The following ALG14 variants were observed in gnomAD, a reference collection of about 807,000 sequenced individuals.
ALG14 encodes the protein UDP-N-acetylglucosamine transferase subunit ALG14.
A neutral mutation model predicts 22.8 loss-of-function variants in ALG14; 17 were observed. That is an observed-to-expected ratio of 0.75 (90% CI 0.51 to 1.12). The LOEUF is 1.12. Among genes scored for constraint, ALG14 ranks in the 50% most tolerant of loss-of-function variants. ALG14 has a pLI of 0.00. For synonymous variants in ALG14, 89 were observed against 103.7 expected (o/e 0.86, Z 0.86); for missense variants, 288 against 271.8 (o/e 1.06, Z -0.42).
At chr1:95,048,782 C>G (rs2100810807) in intron 2 of ALG14, among the ~76,000 whole-genome samples, 1 of 151,734 alleles carries the variant, frequency 6.6e-6, no homozygotes, top group East Asian at 1.9e-4. Context: ...AGTAATTTCA[C>G]AGTCAAATAT....
chr1:94,995,196 T>C (rs1197348903), intron 3 of ALG14, among the ~76,000 whole-genome samples: 1 of 152,250 alleles, frequency 6.6e-6, no homozygotes, highest in Admixed American at 6.5e-5. Context: ...AGAATTTTTA[T>C]AGAAGATGAT....
rs577547065 is a variant in ALG14, at chr1:95,041,802, T to A, written c.289-14542A>T. On this transcript the variant is annotated intron_variant, in intron 2 of 3. Coordinates refer to ENST00000370205, the MANE Select transcript of ALG14 (RefSeq NM_144988.4). Reference sequence around the variant, plus strand: ...CAGTAGGTGGTGTTCAGTGGAAGAATGTCATGTTAATTTTAGAAGAGCTGG... The same window carrying A: ...CAGTAGGTGGTGTTCAGTGGAAGAAAGTCATGTTAATTTTAGAAGAGCTGG... Among the ~76,000 whole-genome samples, 50 of 152,246 alleles carry A rather than the reference T, an allele frequency of 3.3e-4. No homozygotes were observed. In the South Asian group the frequency reaches 9.3e-3, roughly 28 times the overall value.
chr1:95,027,061 A>G (rs1673840695), intron 3 of ALG14, 68 bp downstream of exon 3: 18 of 1,564,916 alleles, frequency 1.2e-5, no homozygotes, highest in Non-Finnish European at 1.3e-5. Context: ...AGAAAACAGT[A>G]TGTCCTGTTA....
Position 95,064,850 on chromosome 1 carries a change from A to G in ALG14, c.288+16T>C, listed in dbSNP as rs1296370778. On this transcript the variant is annotated intron_variant, in intron 2 of 3. Transcript: ENST00000370205. ...TGCAACTTGTAATTTTCTTAGAAAT[A>G]GAAATTGTCACTTACCATGTTACTA... 1 of 1,599,970 alleles carries G rather than the reference A, an allele frequency of 6.3e-7. No homozygotes were observed. Among genetic ancestry groups the G allele is most frequent in the Non-Finnish European group, 8.5e-7 (1 of 1,171,016 alleles).
chr1:95,066,192 A>G (rs1027554091), intron 1 of ALG14, among the ~76,000 whole-genome samples: 1 of 152,098 alleles, frequency 6.6e-6, no homozygotes, highest in African/African-American at 2.4e-5. Context: ...GATAAATTAA[A>G]CATGAGTTTT....
intron 3 of ALG14, among the ~76,000 whole-genome samples, chr1:95,024,930 T>A (rs997570555): frequency 6.6e-6 from 1 of 152,184 alleles, no homozygotes; most frequent in African/African-American, 2.4e-5. Flanking sequence ...CATCTTCCCA[T>A]AAATCAAGAA....
intron 2 of ALG14, among the ~76,000 whole-genome samples, chr1:95,064,605 T>A (rs951667829): frequency 6.6e-6 from 1 of 152,212 alleles, no homozygotes; most frequent in Non-Finnish European, 1.5e-5. Context: ...GTATGTTGAA[T>A]CAACCTTGCA....
chr1:95,053,811 A>T (rs887253112), intron 2 of ALG14, among the ~76,000 whole-genome samples: 1 of 152,210 alleles, frequency 6.6e-6, no homozygotes, highest in Non-Finnish European at 1.5e-5. Flanking sequence ...AGTAAACATT[A>T]TGGACATACA....
chr1:94,992,383 A>C (rs1672796983), intron 3 of ALG14, among the ~76,000 whole-genome samples: 1 of 152,206 alleles, frequency 6.6e-6, no homozygotes, highest in African/African-American at 2.4e-5. Flanking sequence ...GGGGTGATAT[A>C]GAAGACAAAG....
intron 2 of ALG14, among the ~76,000 whole-genome samples, chr1:95,033,036 T>C (rs143430644): frequency 2.6e-5 from 4 of 152,178 alleles, no homozygotes; most frequent in African/African-American, 9.7e-5. Flanking sequence ...GCTATGACCT[T>C]TGGCCAGGAA....
At chr1:95,009,795 T>A (rs890507212) in intron 3 of ALG14, among the ~76,000 whole-genome samples, 2 of 152,136 alleles carry the variant, frequency 1.3e-5, no homozygotes, top group African/African-American at 2.4e-5. Context: ...AGTCTGTAAT[T>A]TAGTTAATAG....
chr1:94,980,294 T>A lies in ALG14; in HGVS notation c.*2782A>T, dbSNP rs1475697560. 1.3e-5 allele frequency: 2 copies of A among 152,040 alleles called. No individual in the cohort carries two copies. Among genetic ancestry groups the A allele is most frequent in the Non-Finnish European group, 2.9e-5 (2 of 68,000 alleles). 9.4% of individuals were successfully genotyped at this position (152,040 alleles called of 1,614,324 possible). On this transcript the variant is annotated 3_prime_UTR_variant, in exon 4 of 4. Coordinates refer to ENST00000370205, the MANE Select transcript of ALG14 (RefSeq NM_144988.4). ...AGCACTCTTCGTTCCAGGCTAAAGT[T>A]TCCTGTCATGATTTTTGGGCATCCT...
intron 1 of ALG14, among the ~76,000 whole-genome samples, chr1:95,068,154 C>T (rs188929667): frequency 6.6e-6 from 1 of 152,288 alleles, no homozygotes; most frequent in East Asian, 1.9e-4. Context: ...TACTGCTGTA[C>T]CTCCTATTCC....
intron 3 of ALG14, among the ~76,000 whole-genome samples, chr1:95,020,122 C>A (rs549701741): frequency 6.6e-6 from 1 of 151,826 alleles, no homozygotes; most frequent in Non-Finnish European, 1.5e-5. Flanking sequence ...GAGGCTGAGG[C>A]AGGAGAATCG....
Position 94,995,974 on chromosome 1 carries a change from C to A in ALG14, c.421-12668G>T, listed in dbSNP as rs139838239. Among the ~76,000 whole-genome samples, 495 of 152,308 alleles carry A rather than the reference C, an allele frequency of 3.2e-3. 1 individual carries two copies. Among genetic ancestry groups the A allele is most frequent in the African/African-American group, 0.011 (476 of 41,576 alleles). On this transcript the variant is annotated intron_variant, in intron 3 of 3. Coordinates refer to ENST00000370205, the MANE Select transcript of ALG14 (RefSeq NM_144988.4). Reference sequence around the variant, plus strand: ...TAAAAACTGACTTCAAGTTTAGCTGCGTTACATTAAGACTGCTTGACTGCA... The same window carrying A: ...TAAAAACTGACTTCAAGTTTAGCTGAGTTACATTAAGACTGCTTGACTGCA...
chr1:94,999,689 C>A (rs964953088), intron 3 of ALG14, among the ~76,000 whole-genome samples: 3 of 152,174 alleles, frequency 2.0e-5, no homozygotes, highest in African/African-American at 4.8e-5. Flanking sequence ...GTCTTTCCCA[C>A]GCTGGATTCC....
intron 2 of ALG14, among the ~76,000 whole-genome samples, chr1:95,029,729 C>T (rs1423733675): frequency 1.3e-5 from 2 of 152,162 alleles, no homozygotes; most frequent in Non-Finnish European, 2.9e-5. Flanking sequence ...AACATGAGTG[C>T]AGTTCTTACA....
At chr1:95,040,784 A>T (rs1056070733) in intron 2 of ALG14, among the ~76,000 whole-genome samples, 8 of 152,240 alleles carry the variant, frequency 5.3e-5, no homozygotes, top group Non-Finnish European at 1.2e-4. Flanking sequence ...GAGAAACAAC[A>T]GTACTATATT....
intron 3 of ALG14, among the ~76,000 whole-genome samples, chr1:95,012,406 G>C (rs1020079052): frequency 2.6e-5 from 4 of 152,202 alleles, no homozygotes; most frequent in African/African-American, 9.7e-5. Context: ...GTCAGAAGTA[G>C]ACTCGGAACT....
Sources: allele counts gnomAD v4.1 joint callset (sites outside exome capture counted in the v4.1 genomes callset), GRCh38; gene constraint gnomAD v4.1.1; transcripts MANE v1.5; gene names NCBI Gene and HGNC (gene_info 2026-07-23, HGNC 2026-07-21).